RXYLT1: variants seen among roughly 807,000 people sequenced by gnomAD.
RXYLT1 encodes ribitol-5-phosphate xylosyltransferase 1.
A neutral mutation model predicts 43.5 loss-of-function variants in RXYLT1; 41 were observed. The observed-to-expected ratio is 0.94, with a 90% CI of 0.73 to 1.22. RXYLT1 has a LOEUF of 1.22. RXYLT1 is among the 50% of genes most tolerant of loss of function. The pLI, the probability that RXYLT1 is intolerant of heterozygous loss-of-function variation, is 0.00. For missense variants in RXYLT1, 514 were observed against 532.0 expected (o/e 0.97, Z 0.33); for synonymous variants, 166 against 194.4 (o/e 0.85, Z 1.21).
At chr12:63,788,762 T>TA (rs1239946399) in intron 3 of RXYLT1, among the ~76,000 whole-genome samples, 1 of 152,216 alleles carries the variant, frequency 6.6e-6, no homozygotes, top group Non-Finnish European at 1.5e-5. Flanking sequence ...CTTCACATCA[T>TA]TCATGTTGTT....
At chr12:63,798,630 A>T (rs1027930403) in intron 3 of RXYLT1, among the ~76,000 whole-genome samples, 1 of 152,238 alleles carries the variant, frequency 6.6e-6, no homozygotes, top group African/African-American at 2.4e-5. Context: ...GCAAACTGCA[A>T]GTTCAAAGCA....
At chr12:63,783,650 C>G (rs1897736601) in intron 2 of RXYLT1, among the ~76,000 whole-genome samples, 5 of 152,130 alleles carry the variant, frequency 3.3e-5, no homozygotes, top group Admixed American at 3.3e-4. Flanking sequence ...AAATCATGTC[C>G]TCACAGTTCT....
At chr12:63,803,935 CCT>C (rs1426473055) in intron 4 of RXYLT1, 1 of 150,654 alleles carries the variant, frequency 6.6e-6, no homozygotes. Flanking sequence ...CTCTCTGCAA[CCT>C]CTGCCTCCCA....
In RXYLT1 at chr12:63,781,115, A is replaced by G. The variant is rs1897672979; in HGVS notation, c.266A>G (p.Asp89Gly). 5.0e-6 allele frequency: 8 copies of G among 1,609,740 alleles called. No individual in the cohort carries two copies. Among genetic ancestry groups the G allele is most frequent in the Non-Finnish European group, 6.8e-6 (8 of 1,178,410 alleles). Residue 89 changes from aspartate to glycine, a missense_variant, in exon 2 of 6, where the codon GAT becomes GGT. Asp to Gly is a moderately conservative substitution (Grantham distance 94). Coordinates refer to ENST00000261234, the MANE Select transcript of RXYLT1 (RefSeq NM_014254.3). ...TTTAAAACTAGCCTTCAAATATTAG[A>G]TAAATCCACGAAAGGAAAAACAGAT... ...HRFKTSLQIL[D>G]KSTKGKTDLS... is the part of the protein sequence containing the mutation.
At position 63,786,064 on chromosome 12, in the gene RXYLT1, A is replaced by G. The variant is rs959872940; in HGVS notation, c.428+992A>G. Among the ~76,000 whole-genome samples, 4 of 152,298 alleles carry G rather than the reference A, an allele frequency of 2.6e-5. No homozygotes were observed. In the South Asian group the frequency reaches 6.2e-4, roughly 24 times the overall value. ...GATCTAATCCCATTCAAGAGCTTAA[A>G]TAGACTTACAATGGTTGGATTTGGG... On this transcript the variant is annotated intron_variant, in intron 3 of 5. Transcript: ENST00000261234.
chr12:63,782,651 T>A, intron 2 of RXYLT1: 1 of 456,574 alleles, frequency 2.2e-6, no homozygotes, highest in Non-Finnish European at 4.4e-6. Context: ...GCAGATCTTT[T>A]CTGAGTAATC....
chr12:63,780,399 G>A, intron 1 of RXYLT1: 2 of 1,259,050 alleles, frequency 1.6e-6, no homozygotes, highest in Non-Finnish European at 2.0e-6. Context: ...TAAAATCCAA[G>A]ACGTCGTCTC....
chr12:63,784,037 C>T (rs1023516062), intron 2 of RXYLT1, among the ~76,000 whole-genome samples: 6 of 152,102 alleles, frequency 3.9e-5, no homozygotes, highest in African/African-American at 1.4e-4. Context: ...TTACATAGGG[C>T]CCACCTAGAT....
At position 63,791,369 on chromosome 12, in the gene RXYLT1, TC is replaced by T. The variant is rs566132448; in HGVS notation, c.428+6298del. 1.1e-4 allele frequency among the ~76,000 whole-genome samples: 16 copies of T among 152,316 alleles called. No homozygotes were observed. In the East Asian group the frequency reaches 2.9e-3, roughly 28 times the overall value. On this transcript the variant is annotated intron_variant, in intron 3 of 5. Transcript: ENST00000261234. Reference sequence around the variant, plus strand: ...CCCATTTGGTAAAACAAAAGGTAGATCATAAATTATTAATTGTTATCAAGAT... The same window carrying T: ...CCCATTTGGTAAAACAAAAGGTAGATATAAATTATTAATTGTTATCAAGAT...
chr12:63,789,446 G>A (rs922460855), intron 3 of RXYLT1, among the ~76,000 whole-genome samples: 3 of 152,160 alleles, frequency 2.0e-5, no homozygotes, highest in Non-Finnish European at 4.4e-5. Flanking sequence ...TGTGGGAATT[G>A]TGGGAGCTAC....
intron 2 of RXYLT1, among the ~76,000 whole-genome samples, chr12:63,784,259 G>C (rs935080514): frequency 6.6e-6 from 1 of 152,112 alleles, no homozygotes; most frequent in African/African-American, 2.4e-5. Context: ...GTTTCCTTTA[G>C]TACCAGGGTA....
chr12:63,807,102 A>G (rs1396730831), intron 5 of RXYLT1: 1 of 152,352 alleles, frequency 6.6e-6, no homozygotes, highest in Non-Finnish European at 1.5e-5. Flanking sequence ...ATCATCTGTC[A>G]TTCCAGCTCA....
chr12:63,780,157 G>A (rs1897641934), intron 1 of RXYLT1, 28 bp downstream of exon 1: 2 of 1,436,368 alleles, frequency 1.4e-6, no homozygotes, highest in Non-Finnish European at 1.8e-6. Context: ...GCTTCCTTCC[G>A]GCTCTGCGCT....
intron 3 of RXYLT1, among the ~76,000 whole-genome samples, chr12:63,800,247 A>G (rs1234689119): frequency 3.3e-5 from 5 of 152,236 alleles, no homozygotes; most frequent in Non-Finnish European, 2.9e-5. Flanking sequence ...ACAAATGCCA[A>G]TGAGAGAATA....
At chr12:63,787,635 GT>G (rs111363436) in intron 3 of RXYLT1, among the ~76,000 whole-genome samples, 4 of 148,776 alleles carry the variant, frequency 2.7e-5, no homozygotes, top group Non-Finnish European at 3.0e-5. Context: ...GTTGTTTGTT[GT>G]TTTTTTTTTG....
intron 3 of RXYLT1, among the ~76,000 whole-genome samples, chr12:63,787,237 G>A (rs1897823841): frequency 1.3e-5 from 2 of 152,200 alleles, no homozygotes; most frequent in African/African-American, 4.8e-5. Context: ...ACCAGAAGTA[G>A]ATTCCATCTC....
At chr12:63,788,632 T>G (rs1897856675) in intron 3 of RXYLT1, among the ~76,000 whole-genome samples, 1 of 152,230 alleles carries the variant, frequency 6.6e-6, no homozygotes, top group Non-Finnish European at 1.5e-5. Flanking sequence ...CTTCATAGAA[T>G]TGAAAAGAGT....
In RXYLT1 at chr12:63,784,117, A is replaced by G. The variant is rs78632760; in HGVS notation, c.326-853A>G. Among the ~76,000 whole-genome samples, 280 of 152,300 alleles carry G rather than the reference A, an allele frequency of 1.8e-3. 1 individual carries two copies. Among genetic ancestry groups the G allele is most frequent in the African/African-American group, 6.5e-3 (271 of 41,548 alleles). ...ATTTTTAAAGTGTCTTTTGCCATGT[A>G]AGGTAACATATTCATAGATTCTAAA... is the stretch of plus-strand genomic sequence containing the variant. On this transcript the variant is annotated intron_variant, in intron 2 of 5. Coordinates refer to ENST00000261234, the MANE Select transcript of RXYLT1 (RefSeq NM_014254.3).
At chr12:63,799,023 C>T (rs1898095897) in intron 3 of RXYLT1, among the ~76,000 whole-genome samples, 1 of 152,034 alleles carries the variant, frequency 6.6e-6, no homozygotes, top group Non-Finnish European at 1.5e-5. Flanking sequence ...GAAAAATTTA[C>T]AGGAACACTA....
Sources: allele counts gnomAD v4.1 joint callset (sites outside exome capture counted in the v4.1 genomes callset), GRCh38; gene constraint gnomAD v4.1.1; transcripts MANE v1.5; gene names NCBI Gene and HGNC (gene_info 2026-07-23, HGNC 2026-07-21).